CSMD2: variants seen among roughly 807,000 people sequenced by gnomAD.
CSMD2 encodes the protein CUB and sushi domain-containing protein 2.
Under a neutral mutation model 398.5 loss-of-function variants are expected in CSMD2, and 130 were observed. That is an observed-to-expected ratio of 0.33 (90% CI 0.28 to 0.38). The LOEUF (loss-of-function observed/expected upper bound fraction) is 0.38. Ranked by LOEUF, CSMD2 falls within the 10% of genes least tolerant of loss-of-function variation. The probability of loss-of-function intolerance (pLI) is 1.00; values close to 1 mark genes in which losing one functional copy is unlikely to be tolerated. For synonymous variants in CSMD2, 1,828 were observed against 1,908.5 expected (o/e 0.96, Z 1.10); for missense variants, 3,829 against 4,764.9 (o/e 0.80, Z 5.78).
At chr1:33,532,947 T>C in intron 64 of CSMD2, 103 bp downstream of exon 64, 1 of 1,118,758 alleles carries the variant, frequency 8.9e-7, no homozygotes, top group Non-Finnish European at 1.2e-6. Flanking sequence ...TCCAGCTCCT[T>C]GAAACGCAAT....
intron 13 of CSMD2, among the ~76,000 whole-genome samples, chr1:33,755,106 GCAATGCTCACCCAAGCAGAAGTGGCC>G (rs1648806941): frequency 6.6e-6 from 1 of 152,004 alleles, no homozygotes; most frequent in Non-Finnish European, 1.5e-5. Context: ...ATTTTATCCA[GCAATGCTCACCCAAGCAGAAGTGGCC>G]CAATCAGATT....
At chr1:33,874,084 A>T (rs1640661554) in intron 5 of CSMD2, among the ~76,000 whole-genome samples, 1 of 152,188 alleles carries the variant, frequency 6.6e-6, no homozygotes, top group Non-Finnish European at 1.5e-5. Context: ...TGCCATCCCA[A>T]TGCACAGCAC....
rs914259261 is a variant in CSMD2 at position 33,567,639 on chromosome 1, G to C, written c.8334C>G (p.Ile2778Met). ...GFRLIGMSVR[I>M]CQQDHHWSGK... ...CCGACCAGTGATGATCCTGCTGGCA[G>C]ATGCGCACAGACATGCCGATCAGGC... The change falls in exon 53 of 71, where the codon ATC becomes ATG. Residue 2778 changes from isoleucine to methionine, a missense_variant. Around this residue, in one of 5 missense-constraint regions of CSMD2, gnomAD observed 917 missense variants for 1,199.5 expected, o/e 0.76. Transcript: ENST00000373381. The C allele has an allele frequency of 2.5e-5, 41 of 1,614,082 alleles. No homozygotes were observed. Among genetic ancestry groups the C allele is most frequent in the Non-Finnish European group, 3.1e-5 (37 of 1,180,038 alleles).
intron 1 of CSMD2, among the ~76,000 whole-genome samples, chr1:34,153,876 A>G (rs1640560118): frequency 6.6e-6 from 1 of 152,184 alleles, no homozygotes; most frequent in African/African-American, 2.4e-5. Flanking sequence ...TACCTCCCCA[A>G]AAACACTGAT....
At chr1:33,713,053 T>C (rs892463840) in intron 21 of CSMD2, among the ~76,000 whole-genome samples, 5 of 152,280 alleles carry the variant, frequency 3.3e-5, no homozygotes, top group African/African-American at 2.4e-5. Flanking sequence ...ATGCCACCTC[T>C]TGGTTTATGT....
chr1:33,829,134 G>A (rs570985660), intron 6 of CSMD2, among the ~76,000 whole-genome samples: 8 of 152,240 alleles, frequency 5.3e-5, no homozygotes, highest in Non-Finnish European at 7.4e-5. Flanking sequence ...TCATGTTAGC[G>A]CAGGGAAATA....
chr1:33,930,066 C>G (rs1644262701), intron 4 of CSMD2, among the ~76,000 whole-genome samples: 1 of 152,232 alleles, frequency 6.6e-6, no homozygotes, highest in Admixed American at 6.5e-5. Flanking sequence ...TCCAAGAGAT[C>G]ATGGAATTTG....
intron 16 of CSMD2, among the ~76,000 whole-genome samples, chr1:33,725,982 G>A (rs1646516656): frequency 1.3e-5 from 2 of 151,758 alleles, no homozygotes; most frequent in Non-Finnish European, 2.9e-5. Context: ...TAGGCAAGTG[G>A]CCCACAAAGC....
intron 5 of CSMD2, among the ~76,000 whole-genome samples, chr1:33,902,823 G>A (rs1642845278): frequency 6.6e-6 from 1 of 152,146 alleles, no homozygotes; most frequent in Admixed American, 6.5e-5. Flanking sequence ...TGGGAAGCCT[G>A]TTCATCACCC....
At chr1:33,517,892 C>A (rs1653903948) in intron 70 of CSMD2, among the ~76,000 whole-genome samples, 1 of 152,194 alleles carries the variant, frequency 6.6e-6, no homozygotes, top group African/African-American at 2.4e-5. Context: ...CTCTTGTAAC[C>A]CCCTCCGCAG....
chr1:34,135,698 G>A (rs1163899521), intron 1 of CSMD2, among the ~76,000 whole-genome samples: 1 of 150,208 alleles, frequency 6.7e-6, no homozygotes, highest in Admixed American at 6.7e-5. Context: ...CCACTAAGAG[G>A]AATGAGATAA....
intron 55 of CSMD2, among the ~76,000 whole-genome samples, chr1:33,552,652 A>C (rs1657568996): frequency 6.6e-6 from 1 of 152,258 alleles, no homozygotes; most frequent in South Asian, 2.1e-4. Flanking sequence ...TGAACTTTGA[A>C]AATTTTATGT....
intron 44 of CSMD2, 32 bp downstream of exon 44, chr1:33,600,833 C>T: frequency 6.2e-7 from 1 of 1,611,922 alleles, no homozygotes; most frequent in South Asian, 1.1e-5. Flanking sequence ...GAAAGCCTGG[C>T]CCTTCCCACC....
chr1:33,648,811 C>G (rs1465269733), intron 28 of CSMD2, among the ~76,000 whole-genome samples: 1 of 152,174 alleles, frequency 6.6e-6, no homozygotes, highest in Non-Finnish European at 1.5e-5. Context: ...ATCCACTTTA[C>G]AGTCCTGATT....
intron 5 of CSMD2, among the ~76,000 whole-genome samples, chr1:33,908,459 G>A (rs1053541758): frequency 2.6e-5 from 4 of 152,266 alleles, no homozygotes; most frequent in African/African-American, 9.6e-5. Context: ...GTTCTCTGGT[G>A]CCCTTCACAG....
chr1:33,616,780 A>G, intron 39 of CSMD2, 126 bp downstream of exon 39: 1 of 705,708 alleles, frequency 1.4e-6, no homozygotes, highest in South Asian at 2.0e-5. Flanking sequence ...AAAATGACTG[A>G]CTTGGAACAA....
In CSMD2 at chr1:33,542,791, T is replaced by C; in HGVS notation, c.9206A>G (p.Tyr3069Cys). The change falls in exon 58 of 71, where the codon TAC becomes TGC. Residue 3069 changes from tyrosine to cysteine, a missense_variant. Tyr to Cys is a radical substitution (Grantham distance 194). This residue lies in a region of CSMD2 where 917 missense variants were observed against 1,199.5 expected (regional missense o/e 0.76). Transcript: ENST00000373381. ...SIVYECREGY[Y>C]ATGLLSRHCS... ...GTGACGGCTGAGCAGGCCTGTGGCG[T>C]AGTATCCTTCCCGGCACTCATAGAC... 1 of 1,614,100 alleles carries C rather than the reference T, an allele frequency of 6.2e-7. No homozygotes were observed. The highest frequency in any genetic ancestry group is 8.5e-7 in the Non-Finnish European group (1 of 1,180,018).
At chr1:33,677,083 T>A (rs1644739673) in intron 25 of CSMD2, among the ~76,000 whole-genome samples, 1 of 151,972 alleles carries the variant, frequency 6.6e-6, no homozygotes, top group Non-Finnish European at 1.5e-5. Flanking sequence ...CCAAAAGCAA[T>A]GGGAACAAAA....
intron 1 of CSMD2, among the ~76,000 whole-genome samples, chr1:34,098,569 G>A (rs1659635320): frequency 1.3e-5 from 2 of 151,974 alleles, no homozygotes; most frequent in South Asian, 4.2e-4. Flanking sequence ...AATAGTGTGG[G>A]GGTGGTCCAG....
Sources: allele counts gnomAD v4.1 joint callset (sites outside exome capture counted in the v4.1 genomes callset), GRCh38; gene constraint gnomAD v4.1.1; regional missense constraint gnomAD v4.1.1; transcripts MANE v1.5; gene names NCBI Gene and HGNC (gene_info 2026-07-23, HGNC 2026-07-21).